The following FGF12 variants were observed in gnomAD, a reference collection of about 807,000 sequenced individuals.
The protein encoded by FGF12 is fibroblast growth factor 12, also known as fibroblast growth factor 12B.
FGF12 carries 14 observed loss-of-function variants against 23.6 expected under a neutral mutation model. That is an observed-to-expected ratio of 0.59 (90% confidence interval 0.39 to 0.93). The LOEUF is 0.93. Among genes scored for constraint, FGF12 ranks in the 40% least tolerant of loss-of-function variants. The pLI, the probability that FGF12 is intolerant of heterozygous loss-of-function variation, is 0.00. For missense variants in FGF12, 175 were observed against 217.8 expected (o/e 0.80, Z 1.24); for synonymous variants, 62 against 77.3 (o/e 0.80, Z 1.04).
chr3:192,453,711 G>C (rs1722595858), intron 2 of FGF12, among the ~76,000 whole-genome samples: 5 of 152,154 alleles, frequency 3.3e-5, no homozygotes, highest in Admixed American at 3.3e-4. Context: ...GGGGATGAGG[G>C]GATGTCTCTT....
intron 4 of FGF12, 70 bp downstream of exon 4, chr3:192,335,291 A>G: frequency 2.0e-6 from 2 of 988,214 alleles, no homozygotes; most frequent in Non-Finnish European, 3.2e-6. Context: ...GCCTAACATG[A>G]TGGTTACTCC....
chr3:192,498,036 T>C (rs899537910), intron 2 of FGF12, among the ~76,000 whole-genome samples: 1 of 152,206 alleles, frequency 6.6e-6, no homozygotes, highest in African/African-American at 2.4e-5. Context: ...GCACATGTTC[T>C]TTCTTGGCCC....
intron 2 of FGF12, among the ~76,000 whole-genome samples, chr3:192,512,835 A>AATAAATATATATATATATATATAT (rs35779279): frequency 6.5e-5 from 5 of 76,758 alleles, no homozygotes; most frequent in African/African-American, 2.6e-4. Flanking sequence ...TACTCAAATA[A>AATAAATATATATATATATATATAT]ATATATATAT....
chr3:192,438,483 T>C (rs1007793576), intron 2 of FGF12, among the ~76,000 whole-genome samples: 3 of 152,138 alleles, frequency 2.0e-5, no homozygotes, highest in African/African-American at 7.2e-5. Flanking sequence ...TGCAGGAAAA[T>C]AGATTTGGCT....
intron 2 of FGF12, among the ~76,000 whole-genome samples, chr3:192,377,033 C>T (rs896691441): frequency 1.3e-5 from 2 of 152,212 alleles, no homozygotes; most frequent in Admixed American, 6.5e-5. Flanking sequence ...GGAATTCCAA[C>T]TTAACAAGGA....
chr3:192,646,532 T>C (rs3845933), intron 2 of FGF12, among the ~76,000 whole-genome samples: 87,827 of 151,726 alleles, frequency 0.58, 25,763 homozygotes, highest in East Asian at 0.67. Context: ...ACTGTTTAGG[T>C]ATGCAAAAGA....
At position 192,641,347 on chromosome 3, in the gene FGF12, C is replaced by T. The variant is rs1184113153; in HGVS notation, c.13+85834G>A. On this transcript the variant is annotated intron_variant, in intron 2 of 5. Coordinates refer to ENST00000445105, the MANE Select transcript of FGF12 (RefSeq NM_004113.6). ...GTCTCGATCTCCTGACCTCGTGATC[C>T]GCCCGCCTCGGCCTCCCAAAGTGCT... is the stretch of plus-strand genomic sequence containing the variant. Among the ~76,000 whole-genome samples the T allele has an allele frequency of 1.9e-4, 17 of 90,876 alleles. 5 individuals are homozygous for T. The highest frequency in any genetic ancestry group is 1.7e-3 in the East Asian group (4 of 2,366). The allele number at this position is 90,876 out of a possible 152,430, so 59.6% of individuals were successfully genotyped here. A position where few individuals can be genotyped will look rare whatever the true frequency, so the allele number is the denominator to read the frequency against.
chr3:192,229,509 T>A (rs1212991750), intron 4 of FGF12, among the ~76,000 whole-genome samples: 1 of 152,038 alleles, frequency 6.6e-6, no homozygotes, highest in Non-Finnish European at 1.5e-5. Context: ...ATTGCAGATT[T>A]TTATTTTTCA....
At chr3:192,201,535 G>A (rs1717366272) in intron 4 of FGF12, among the ~76,000 whole-genome samples, 1 of 152,128 alleles carries the variant, frequency 6.6e-6, no homozygotes, top group Non-Finnish European at 1.5e-5. Flanking sequence ...CTACAGTTTA[G>A]AGAACTGATA....
At chr3:192,149,195 T>C (rs1167198342) in intron 5 of FGF12, among the ~76,000 whole-genome samples, 1 of 152,226 alleles carries the variant, frequency 6.6e-6, no homozygotes, top group Admixed American at 6.5e-5. Context: ...AATTCCTTTA[T>C]GTAGAAAAAT....
chr3:192,402,584 C>T (rs1720808634), intron 2 of FGF12, among the ~76,000 whole-genome samples: 1 of 152,230 alleles, frequency 6.6e-6, no homozygotes, highest in Admixed American at 6.5e-5. Context: ...CAGTGTGGAA[C>T]TGGGAGCCAT....
intron 2 of FGF12, among the ~76,000 whole-genome samples, chr3:192,367,257 T>C (rs375481589): frequency 6.6e-6 from 1 of 152,332 alleles, no homozygotes; most frequent in East Asian, 1.9e-4. Flanking sequence ...TCTTTATAAA[T>C]GTTAAACATA....
intron 4 of FGF12, among the ~76,000 whole-genome samples, chr3:192,251,040 G>T (rs1711972831): frequency 6.6e-6 from 1 of 152,006 alleles, no homozygotes; most frequent in South Asian, 2.1e-4. Context: ...TGTGGGTTTT[G>T]GATAAGAAAA....
chr3:192,606,121 T>C (rs1345449555), intron 2 of FGF12, among the ~76,000 whole-genome samples: 2 of 152,164 alleles, frequency 1.3e-5, no homozygotes, highest in East Asian at 3.8e-4. Context: ...GAAATCAACC[T>C]AGATGTCCAT....
chr3:192,650,065 T>C (rs973653141), intron 2 of FGF12, among the ~76,000 whole-genome samples: 2 of 152,182 alleles, frequency 1.3e-5, no homozygotes, highest in Admixed American at 6.5e-5. Context: ...GGAAACAGTC[T>C]TTCACTGTTG....
At chr3:192,198,035 A>G (rs1253957141) in intron 4 of FGF12, among the ~76,000 whole-genome samples, 3 of 150,066 alleles carry the variant, frequency 2.0e-5, no homozygotes, top group East Asian at 3.9e-4. Flanking sequence ...TTCTTCTCTC[A>G]CAATATCAGC....
intron 2 of FGF12, among the ~76,000 whole-genome samples, chr3:192,497,807 T>C (rs1434256972): frequency 6.6e-6 from 1 of 152,148 alleles, no homozygotes; most frequent in East Asian, 1.9e-4. Flanking sequence ...CCTCAATGGG[T>C]TTATTCTCTT....
intron 2 of FGF12, among the ~76,000 whole-genome samples, chr3:192,560,959 AT>A (rs1174499867): frequency 1.3e-5 from 2 of 152,204 alleles, no homozygotes; most frequent in East Asian, 3.8e-4. Flanking sequence ...ACAACAAAAT[AT>A]TTAGCCACAA....
At chr3:192,193,312 G>A (rs1283219971) in intron 4 of FGF12, among the ~76,000 whole-genome samples, 1 of 152,128 alleles carries the variant, frequency 6.6e-6, no homozygotes, top group East Asian at 1.9e-4. Flanking sequence ...GGTGACAAGA[G>A]AACAACTTCA....
Sources: gnomAD v4.1 joint callset for allele counts (sites outside exome capture counted in the v4.1 genomes callset) on GRCh38, gnomAD v4.1.1 for gene constraint, MANE v1.5 for transcripts, NCBI Gene and HGNC (gene_info 2026-07-23, HGNC 2026-07-21) for gene names.